The following ARK2C variants were observed in gnomAD, a reference collection of about 807,000 sequenced individuals.
ARK2C encodes E3 ubiquitin-protein ligase ARK2C.
At chr18:46,454,418 C>G in the ARK2C span, among the ~76,000 whole-genome samples, 3 of 152,124 alleles carry the variant, frequency 2.0e-5, no homozygotes, top group Non-Finnish European at 4.4e-5. Flanking sequence ...ACTCTAAAGC[C>G]ATGACAATTA....
the ARK2C span, among the ~76,000 whole-genome samples, chr18:46,382,235 C>A: frequency 6.6e-6 from 1 of 152,108 alleles, no homozygotes. Flanking sequence ...AGGACAGGTC[C>A]CATGGAGGCA....
the ARK2C span, among the ~76,000 whole-genome samples, chr18:46,372,979 C>T: frequency 6.6e-6 from 1 of 152,250 alleles, no homozygotes; most frequent in Non-Finnish European, 1.5e-5. Flanking sequence ...GAGGGGGACC[C>T]TCCTGCTGGG....
chr18:46,360,926 G>C, the ARK2C span, among the ~76,000 whole-genome samples: 2 of 152,226 alleles, frequency 1.3e-5, no homozygotes, highest in Non-Finnish European at 1.5e-5. Context: ...CCCACAGCAA[G>C]TGACTTTCCA....
the ARK2C span, among the ~76,000 whole-genome samples, chr18:46,385,038 G>A: frequency 6.6e-6 from 1 of 152,184 alleles, no homozygotes; most frequent in Non-Finnish European, 1.5e-5. Context: ...TTTCCAGAGT[G>A]GTGTGCAGGG....
chr18:46,356,246 G>A, the ARK2C span, among the ~76,000 whole-genome samples: 1 of 152,220 alleles, frequency 6.6e-6, no homozygotes, highest in Admixed American at 6.5e-5. Flanking sequence ...TGTGTTCTAG[G>A]TGCGGAGGAT....
At chr18:46,389,846 A>T in the ARK2C span, among the ~76,000 whole-genome samples, 1 of 151,754 alleles carries the variant, frequency 6.6e-6, no homozygotes, top group Non-Finnish European at 1.5e-5. Context: ...CTCCCACCTC[A>T]GCCTCCCTGG....
the ARK2C span, among the ~76,000 whole-genome samples, chr18:46,350,477 G>A: frequency 1.3e-5 from 2 of 152,190 alleles, no homozygotes; most frequent in Non-Finnish European, 2.9e-5. Flanking sequence ...GGAGCGCTGA[G>A]GTATGGGGGT....
the ARK2C span, among the ~76,000 whole-genome samples, chr18:46,381,587 T>G: frequency 6.6e-6 from 1 of 152,048 alleles, no homozygotes; most frequent in Non-Finnish European, 1.5e-5. Context: ...TGCCAACAGT[T>G]TGGGAGGCTG....
the ARK2C span, among the ~76,000 whole-genome samples, chr18:46,376,527 C>G: frequency 1.3e-5 from 2 of 152,178 alleles, no homozygotes; most frequent in African/African-American, 4.8e-5. Context: ...GACCTCAGAC[C>G]ACACCTATGC....
At chr18:46,394,787 T>C in the ARK2C span, among the ~76,000 whole-genome samples, 1 of 152,234 alleles carries the variant, frequency 6.6e-6, no homozygotes, top group African/African-American at 2.4e-5. Flanking sequence ...GTCCTGAGTG[T>C]GTTTCTGCAG....
At chr18:46,459,979 A>G in the ARK2C span, 3 of 152,636 alleles carry the variant, frequency 2.0e-5, no homozygotes, top group African/African-American at 7.2e-5. Flanking sequence ...ACGCCAATCA[A>G]TCAACCCAAC....
the ARK2C span, among the ~76,000 whole-genome samples, chr18:46,394,408 A>T: frequency 2.0e-5 from 3 of 152,136 alleles, no homozygotes; most frequent in African/African-American, 7.2e-5. Flanking sequence ...CTCGGAGATG[A>T]CACAGCTCTC....
the ARK2C span, among the ~76,000 whole-genome samples, chr18:46,404,739 C>T: frequency 2.0e-5 from 3 of 151,628 alleles, no homozygotes; most frequent in South Asian, 2.1e-4. Flanking sequence ...GGGCACAGAG[C>T]GAGACTCCAT....
At chr18:46,405,520 G>A in the ARK2C span, among the ~76,000 whole-genome samples, 1 of 152,200 alleles carries the variant, frequency 6.6e-6, no homozygotes, top group African/African-American at 2.4e-5. Flanking sequence ...TGTTGGCGAT[G>A]TGGAAACAGC....
At chr18:46,433,657 C>T in the ARK2C span, 1 of 693,148 alleles carries the variant, frequency 1.4e-6, no homozygotes. Flanking sequence ...GCTTCTCTCC[C>T]TGGCCTGGCC....
the ARK2C span, among the ~76,000 whole-genome samples, chr18:46,451,168 G>A: frequency 6.6e-6 from 1 of 152,160 alleles, no homozygotes; most frequent in African/African-American, 2.4e-5. Flanking sequence ...ATTTGCCTTA[G>A]AAAATAATTC....
the ARK2C span, among the ~76,000 whole-genome samples, chr18:46,441,308 T>C: frequency 6.6e-6 from 1 of 152,168 alleles, no homozygotes; most frequent in Non-Finnish European, 1.5e-5. Context: ...TGGTCTTACA[T>C]GCCTAGGCCC....
the ARK2C span, among the ~76,000 whole-genome samples, chr18:46,428,180 G>A: frequency 6.6e-6 from 1 of 152,002 alleles, no homozygotes; most frequent in Non-Finnish European, 1.5e-5. Flanking sequence ...GGAGGCCGAG[G>A]CTGGCGGACC....
chr18:46,344,167 C>T, the ARK2C span, among the ~76,000 whole-genome samples: 2 of 152,194 alleles, frequency 1.3e-5, no homozygotes, highest in South Asian at 2.1e-4. Flanking sequence ...GGAAAGGAAG[C>T]GGCGGCTGCT....
Sources: allele counts gnomAD v4.1 joint callset (sites outside exome capture counted in the v4.1 genomes callset), GRCh38; gene constraint gnomAD v4.1.1; transcripts MANE v1.5; gene names NCBI Gene and HGNC (gene_info 2026-07-23, HGNC 2026-07-21).